DLGAP2: variants seen among roughly 807,000 people sequenced by gnomAD.
DLGAP2 encodes the protein DLG associated protein 2, also known as disks large-associated protein 2.
DLGAP2 carries 26 observed loss-of-function variants against 100.3 expected under a neutral mutation model. The observed-to-expected ratio is 0.26, with a 90% CI of 0.19 to 0.36. The LOEUF (loss-of-function observed/expected upper bound fraction) is 0.36, where lower values mean the gene tolerates loss of function less well. Ranked by LOEUF, DLGAP2 falls within the 10% of genes least tolerant of loss-of-function variation. DLGAP2 has a pLI of 1.00. For missense variants in DLGAP2, 1,858 were observed against 1,453.2 expected (o/e 1.28, Z -4.53); for synonymous variants, 886 against 630.1 (o/e 1.41, Z -6.08).
At chr8:1,614,269 T>G (rs917119160) in intron 6 of DLGAP2, among the ~76,000 whole-genome samples, 2 of 152,230 alleles carry the variant, frequency 1.3e-5, no homozygotes, top group Non-Finnish European at 2.9e-5. Context: ...CCTGAGCATT[T>G]GCAGTCAGGC....
intron 2 of DLGAP2, among the ~76,000 whole-genome samples, chr8:911,303 C>A (rs1363425154): frequency 2.1e-5 from 3 of 144,316 alleles, no homozygotes; most frequent in African/African-American, 7.7e-5. Context: ...GCTGGAGAAT[C>A]TTGGAAGGAT....
At chr8:1,516,029 G>GTGAA (rs1554488954) in intron 4 of DLGAP2, among the ~76,000 whole-genome samples, 3 of 144,372 alleles carry the variant, frequency 2.1e-5, no homozygotes, top group Non-Finnish European at 3.1e-5. Flanking sequence ...GAATGAGTGA[G>GTGAA]TGAATGAGTA....
rs184585871 is a variant in DLGAP2 at position 1,146,913 on chromosome 8, C to T, written c.74-111938C>T. 1.4e-3 allele frequency among the ~76,000 whole-genome samples: 210 copies of T among 152,314 alleles called. 1 individual carries two copies. The highest frequency in any genetic ancestry group is 4.7e-3 in the African/African-American group (195 of 41,560). On this transcript the variant is annotated intron_variant, in intron 2 of 14. Transcript: ENST00000637795. Reference sequence around the variant, plus strand: ...TCACTGCCACAATTATTTTTATTGCCGGATCTTGCTTTTCTTTTCTTCCAA... The same window carrying T: ...TCACTGCCACAATTATTTTTATTGCTGGATCTTGCTTTTCTTTTCTTCCAA...
At chr8:1,277,816 G>A (rs986441236) in intron 3 of DLGAP2, among the ~76,000 whole-genome samples, 2 of 152,102 alleles carry the variant, frequency 1.3e-5, no homozygotes, top group African/African-American at 4.8e-5. Flanking sequence ...TCTCTAAGGG[G>A]TCCAACTCCC....
At chr8:1,452,721 A>G (rs996449610) in intron 3 of DLGAP2, among the ~76,000 whole-genome samples, 1 of 152,190 alleles carries the variant, frequency 6.6e-6, no homozygotes, top group African/African-American at 2.4e-5. Context: ...TGTCGCCTCC[A>G]CAGCAGCCGG....
rs370672153 is a variant in DLGAP2, at chr8:1,464,269, G to T, written c.107-37097G>T. On this transcript the variant is annotated intron_variant, in intron 3 of 14. Transcript: ENST00000637795. The stretch of plus-strand genomic sequence containing the variant: ...TCCAGGACGGCTCCCTTCCAGGACG[G>T]CACCCTTCCAGGACAACGCCCTTCC... Among the ~76,000 whole-genome samples, 4 of 45,308 alleles carry T rather than the reference G, an allele frequency of 8.8e-5. 1 individual carries two copies. The highest frequency in any genetic ancestry group is 2.6e-4 in the Admixed American group (1 of 3,866). The allele number at this position is 45,308 out of a possible 152,430, so 29.7% of individuals were successfully genotyped here. A position where few individuals can be genotyped will look rare whatever the true frequency, so the allele number is the denominator to read the frequency against.
At chr8:1,095,050 G>A (rs907601337) in intron 2 of DLGAP2, among the ~76,000 whole-genome samples, 2 of 151,676 alleles carry the variant, frequency 1.3e-5, no homozygotes, top group African/African-American at 4.8e-5. Context: ...GCAACAGCCT[G>A]CACTGGCGTG....
chr8:1,355,053 A>G (rs1801816571), intron 3 of DLGAP2, among the ~76,000 whole-genome samples: 1 of 151,962 alleles, frequency 6.6e-6, no homozygotes, highest in Admixed American at 6.6e-5. Flanking sequence ...AAAGTCACGG[A>G]TGATGCTGTG....
chr8:1,562,522 C>T (rs1380678946), intron 5 of DLGAP2, among the ~76,000 whole-genome samples: 11 of 38,834 alleles, frequency 2.8e-4, no homozygotes, highest in Non-Finnish European at 3.8e-4. Context: ...GGGGTGTCCG[C>T]GCCTCGTTAC....
chr8:1,027,296 G>A (rs890807281), intron 2 of DLGAP2, among the ~76,000 whole-genome samples: 1 of 152,020 alleles, frequency 6.6e-6, no homozygotes, highest in Non-Finnish European at 1.5e-5. Context: ...GTGAGGTGCC[G>A]GGTGCCCATT....
intron 3 of DLGAP2, among the ~76,000 whole-genome samples, chr8:1,435,211 G>A (rs762332860): frequency 9.8e-5 from 15 of 152,326 alleles, no homozygotes; most frequent in Admixed American, 3.3e-4. Flanking sequence ...GACTTGAGCA[G>A]CTTTTGTAGA....
chr8:1,108,743 AGT>A (rs1269353011), intron 2 of DLGAP2, among the ~76,000 whole-genome samples: 3 of 83,290 alleles, frequency 3.6e-5, no homozygotes, highest in Non-Finnish European at 6.8e-5. Context: ...GTGCCTATGA[AGT>A]GTGCTGGGTC....
At chr8:1,447,140 G>T (rs1563154907) in intron 3 of DLGAP2, among the ~76,000 whole-genome samples, 1 of 152,206 alleles carries the variant, frequency 6.6e-6, no homozygotes, top group Non-Finnish European at 1.5e-5. Context: ...TTGAATAGGA[G>T]TGGTGAGAGA....
chr8:935,194 A>G (rs1316670627), intron 2 of DLGAP2, among the ~76,000 whole-genome samples: 1 of 152,144 alleles, frequency 6.6e-6, no homozygotes, highest in Non-Finnish European at 1.5e-5. Context: ...CGACTCCACC[A>G]TGGGGGCGTC....
At chr8:1,442,425 G>A (rs1196554644) in intron 3 of DLGAP2, among the ~76,000 whole-genome samples, 4 of 150,354 alleles carry the variant, frequency 2.7e-5, no homozygotes, top group Non-Finnish European at 5.9e-5. Flanking sequence ...GCTGCTGTGG[G>A]TTCAGCCACT....
intron 10 of DLGAP2, among the ~76,000 whole-genome samples, chr8:1,675,025 A>G (rs1375396830): frequency 6.6e-6 from 1 of 152,246 alleles, no homozygotes; most frequent in Non-Finnish European, 1.5e-5. Flanking sequence ...CAGGAAGGCC[A>G]GGATCTTCAC....
At chr8:998,237 C>G (rs189006649) in intron 2 of DLGAP2, among the ~76,000 whole-genome samples, 25 of 152,326 alleles carry the variant, frequency 1.6e-4, no homozygotes, top group Non-Finnish European at 3.5e-4. Flanking sequence ...CGGGTTGGCA[C>G]TGCTCCATCT....
chr8:1,707,062 T>G lies in DLGAP2; in HGVS notation c.*5656T>G, dbSNP rs1032653085. ...GACTTCTTTGCAGAAGAAATGTTCG[T>G]TACCTACTATCAAACTACTTTTTAA... On this transcript the variant is annotated 3_prime_UTR_variant, in exon 15 of 15. Transcript: ENST00000637795. The G allele has an allele frequency of 6.5e-6, 1 of 152,690 alleles. No homozygotes were observed. Among genetic ancestry groups the G allele is most frequent in the Non-Finnish European group, 1.5e-5 (1 of 68,054 alleles). The allele number at this position is 152,690 out of a possible 1,614,324, so 9.5% of individuals were successfully genotyped here. A position where few individuals can be genotyped will look rare whatever the true frequency, so the allele number is the denominator to read the frequency against.
At chr8:1,134,637 G>C (rs990150897) in intron 2 of DLGAP2, among the ~76,000 whole-genome samples, 24 of 152,156 alleles carry the variant, frequency 1.6e-4, no homozygotes, top group African/African-American at 5.3e-4. Context: ...TTTTCACACT[G>C]CTATAAAGAA....
Sources: gnomAD v4.1 joint callset for allele counts (sites outside exome capture counted in the v4.1 genomes callset) on GRCh38, gnomAD v4.1.1 for gene constraint, MANE v1.5 for transcripts, NCBI Gene and HGNC (gene_info 2026-07-23, HGNC 2026-07-21) for gene names.